The following PHEX variants were observed in gnomAD, a reference collection of about 807,000 sequenced individuals.
The protein encoded by PHEX is phosphate regulating endopeptidase X-linked.
A neutral mutation model predicts 68.0 loss-of-function variants in PHEX; 16 were observed. The observed-to-expected ratio is 0.24, with a 90% confidence interval of 0.16 to 0.36. PHEX has a LOEUF of 0.36. PHEX is among the 10% of genes least tolerant of loss of function. The pLI, the probability that PHEX is intolerant of heterozygous loss-of-function variation, is 1.00. For synonymous variants in PHEX, 208 were observed against 205.1 expected (o/e 1.01, Z -0.12); for missense variants, 480 against 575.5 (o/e 0.83, Z 1.70).
intron 9 of PHEX, among the ~76,000 whole-genome samples, chrX:22,107,405 G>A (rs756213108): frequency 1.8e-5 from 2 of 112,253 alleles, no homozygotes; most frequent in Middle Eastern, 4.6e-3. Context: ...GATCCAGCAT[G>A]GTTCACATGC....
In PHEX at chrX:22,187,180, C is replaced by T. The variant is rs1934057991; in HGVS notation, c.1587-3264C>T. Among the ~76,000 whole-genome samples the T allele has an allele frequency of 3.6e-5, 4 of 112,040 alleles. No individual in the cohort carries two copies. The South Asian group carries it at 1.5e-3, about 42-fold the overall frequency. On this transcript the variant is annotated intron_variant, in intron 14 of 21. Transcript: ENST00000379374. Reference sequence around the variant, plus strand: ...TGGTTGTTTTCTCTGCTTTGGATTTCATAAGGCTGAAATCAGAGTGTCAGC... The same window carrying T: ...TGGTTGTTTTCTCTGCTTTGGATTTTATAAGGCTGAAATCAGAGTGTCAGC...
At chrX:22,217,546 C>T (rs1157510154) in intron 16 of PHEX, among the ~76,000 whole-genome samples, 1 of 111,657 alleles carries the variant, frequency 9.0e-6, no homozygotes, top group Non-Finnish European at 1.9e-5. Flanking sequence ...TATCTATTTG[C>T]TGGGTGACTT....
At chrX:22,169,211 C>T (rs1160542509) in intron 13 of PHEX, among the ~76,000 whole-genome samples, 3 of 111,915 alleles carry the variant, frequency 2.7e-5, no homozygotes, top group African/African-American at 9.7e-5. Context: ...CAAAATTTTA[C>T]AAGACTATTC....
chrX:22,215,939 G>C (rs1269491028), intron 16 of PHEX, among the ~76,000 whole-genome samples: 1 of 111,636 alleles, frequency 9.0e-6, no homozygotes, highest in African/African-American at 3.3e-5. Context: ...TTATATTCAG[G>C]AGATTCAGCA....
intron 16 of PHEX, among the ~76,000 whole-genome samples, chrX:22,214,258 C>G (rs1197670861): frequency 9.0e-6 from 1 of 111,539 alleles, no homozygotes; most frequent in Non-Finnish European, 1.9e-5. Flanking sequence ...ATAGTCACAT[C>G]TCCTTCTGAC....
intron 3 of PHEX, among the ~76,000 whole-genome samples, chrX:22,049,270 G>T (rs1355764266): frequency 9.1e-6 from 1 of 110,183 alleles, no homozygotes; most frequent in Non-Finnish European, 1.9e-5. Flanking sequence ...TTGCCACCAC[G>T]CCTGGCTAAT....
intron 6 of PHEX, among the ~76,000 whole-genome samples, chrX:22,091,795 G>A (rs1929896452): frequency 8.9e-6 from 1 of 112,049 alleles, no homozygotes; most frequent in African/African-American, 3.3e-5. Context: ...GAGGTTTAAT[G>A]GACTCACAGT....
chrX:22,213,453 T>C (rs893005022), intron 16 of PHEX, among the ~76,000 whole-genome samples: 1 of 112,034 alleles, frequency 8.9e-6, no homozygotes, highest in Non-Finnish European at 1.9e-5. Flanking sequence ...TAATAGGCAA[T>C]AGAAAATATT....
chrX:22,074,252 C>T (rs778713561), intron 3 of PHEX, among the ~76,000 whole-genome samples: 2 of 109,646 alleles, frequency 1.8e-5, no homozygotes, highest in East Asian at 5.8e-4. Flanking sequence ...ACATCACTGT[C>T]TGCATATCAA....
At chrX:22,074,135 C>T (rs1331551511) in intron 3 of PHEX, among the ~76,000 whole-genome samples, 3 of 110,924 alleles carry the variant, frequency 2.7e-5, no homozygotes, top group South Asian at 3.9e-4. Context: ...CTGTGGTACG[C>T]AGGCTTTGTT....
At chrX:22,184,315 T>G (rs1403981237) in intron 14 of PHEX, among the ~76,000 whole-genome samples, 1 of 110,646 alleles carries the variant, frequency 9.0e-6, no homozygotes, top group Non-Finnish European at 1.9e-5. Context: ...CTCATGATAC[T>G]CATTGGCTTG....
At position 22,219,826 on chromosome X, in the gene PHEX, C is replaced by G. The variant is rs762336711; in HGVS notation, c.1768+723C>G. ...TAGAGACGGGGTTTCACCACATTAG[C>G]CAGGATGGTCTCGATCTCCTGACCT... On this transcript the variant is annotated intron_variant, in intron 17 of 21. Coordinates refer to ENST00000379374, the MANE Select transcript of PHEX (RefSeq NM_000444.6). 1.3e-4 allele frequency among the ~76,000 whole-genome samples: 14 copies of G among 111,125 alleles called. No individual in the cohort carries two copies. The East Asian group carries it at 4.0e-3, about 32-fold the overall frequency.
chrX:22,125,328 T>C (rs1279001874), intron 11 of PHEX, among the ~76,000 whole-genome samples: 3 of 111,825 alleles, frequency 2.7e-5, no homozygotes, highest in Non-Finnish European at 5.6e-5. Flanking sequence ...CTGGAAACAT[T>C]TTAATCTCAT....
chrX:22,241,387 A>T (rs1301272312), intron 20 of PHEX, among the ~76,000 whole-genome samples: 2 of 111,893 alleles, frequency 1.8e-5, no homozygotes, highest in African/African-American at 6.5e-5. Flanking sequence ...AAGAGCAAAC[A>T]AATTCAAAAG....
intron 11 of PHEX, among the ~76,000 whole-genome samples, chrX:22,130,527 C>T (rs867787558): frequency 6.9e-5 from 6 of 86,833 alleles, no homozygotes; most frequent in African/African-American, 2.8e-4. Context: ...CCAGCCTGGG[C>T]GACACAGTCA....
intron 15 of PHEX, among the ~76,000 whole-genome samples, chrX:22,202,749 A>G (rs1330675248): frequency 1.6e-4 from 18 of 111,977 alleles, no homozygotes; most frequent in Non-Finnish European, 1.1e-4. Flanking sequence ...TACTTAGTAC[A>G]GCAATCAATA....
intron 11 of PHEX, among the ~76,000 whole-genome samples, chrX:22,115,197 G>A (rs1931181932): frequency 9.0e-6 from 1 of 111,303 alleles, no homozygotes; most frequent in Non-Finnish European, 1.9e-5. Context: ...TGGGCGTGGT[G>A]GCAGGCACCT....
At chrX:22,070,489 G>A (rs144303826) in intron 3 of PHEX, among the ~76,000 whole-genome samples, 1 of 111,468 alleles carries the variant, frequency 9.0e-6, no homozygotes, top group African/African-American at 3.3e-5. Context: ...AGACCAGCCT[G>A]GGCAATATAG....
chrX:22,132,207 T>C (rs1312831761), intron 11 of PHEX, among the ~76,000 whole-genome samples: 2 of 111,541 alleles, frequency 1.8e-5, no homozygotes, highest in Admixed American at 1.9e-4. Flanking sequence ...TCAAGTGATC[T>C]TCCTGCCTCA....
Sources: gnomAD v4.1 joint callset for allele counts (sites outside exome capture counted in the v4.1 genomes callset) on GRCh38, gnomAD v4.1.1 for gene constraint, MANE v1.5 for transcripts, NCBI Gene and HGNC (gene_info 2026-07-23, HGNC 2026-07-21) for gene names.